Variants in NDST4 observed in about 807,000 individuals in gnomAD.
NDST4 encodes the protein N-deacetylase and N-sulfotransferase 4.
NDST4 carries 63 observed loss-of-function variants against 100.8 expected under a neutral mutation model. The ratio of observed to expected loss-of-function variants is 0.62; its 90% CI spans 0.51 to 0.77. The LOEUF (loss-of-function observed/expected upper bound fraction) is 0.77. Among genes scored for constraint, NDST4 ranks in the 30% least tolerant of loss-of-function variants. The pLI is 0.00. For synonymous variants in NDST4, 377 were observed against 361.8 expected, an observed-to-expected ratio of 1.04 and a Z score of -0.48; for missense variants, 943 against 1,018.4, an observed-to-expected ratio of 0.93 and a Z score of 1.01.
chr4:115,083,582 G>T (rs1352646899), intron 1 of NDST4, among the ~76,000 whole-genome samples: 1 of 152,146 alleles, frequency 6.6e-6, no homozygotes. Context: ...CATCTAAAAT[G>T]GTTTGGCTGT....
At chr4:115,048,813 A>C (rs144240010) in intron 2 of NDST4, among the ~76,000 whole-genome samples, 2,190 of 151,980 alleles carry the variant, frequency 0.014, 62 homozygotes, top group African/African-American at 0.05. Context: ...AATTTTTTGT[A>C]TTTTTAGTAG....
chr4:115,058,908 TA>T (rs542087457), intron 2 of NDST4, among the ~76,000 whole-genome samples: 1 of 151,898 alleles, frequency 6.6e-6, no homozygotes, highest in Admixed American at 6.6e-5. Context: ...CTTTTTTATT[TA>T]AAAAAATTAA....
chr4:114,829,628 A>G (rs930599249), intron 13 of NDST4, among the ~76,000 whole-genome samples, 162 bp downstream of exon 13: 1 of 152,116 alleles, frequency 6.6e-6, no homozygotes, highest in Non-Finnish European at 1.5e-5. Flanking sequence ...CTATCTATCT[A>G]TCATTTCTAT....
intron 2 of NDST4, among the ~76,000 whole-genome samples, chr4:114,984,827 T>C (rs1248956499): frequency 1.3e-5 from 2 of 152,182 alleles, no homozygotes; most frequent in Non-Finnish European, 2.9e-5. Context: ...TTCGATACTA[T>C]TTGTAAATTT....
Position 115,076,991 on chromosome 4 carries a change from C to A in NDST4, c.46G>T (p.Val16Phe). The A allele has an allele frequency of 6.2e-7, 1 of 1,610,382 alleles. No individual in the cohort carries two copies. Among genetic ancestry groups the A allele is most frequent in the Non-Finnish European group, 8.5e-7 (1 of 1,178,680 alleles). Reference protein sequence around the residue: ...KLRRSFRTLIVLLATFCLVSI... With the variant: ...KLRRSFRTLIFLLATFCLVSI... ...ACCAAGCAAAAGGTAGCTAAGAGAA[C>A]AATCAATGTTCGAAAACTTCTCCGA... Residue 16 changes from valine (V) to phenylalanine (F), a missense_variant, in exon 2 of 14, where the codon GTT becomes TTT. Val to Phe is a conservative substitution (Grantham distance 50, BLOSUM62 -1). Transcript: ENST00000264363.
In NDST4 at chr4:114,986,815, TATATATATATATATATA is replaced by T. The variant is rs1560845369; in HGVS notation, c.979-9558_979-9542del. ...ATACATATATATATATATATATATA[TATATATATATATATATA>T]TTTTAATATACTATTCCTATAAGCT... is the stretch of plus-strand genomic sequence containing the variant. On this transcript the variant is annotated intron_variant, in intron 2 of 13. Coordinates refer to ENST00000264363, the MANE Select transcript of NDST4 (RefSeq NM_022569.3). Among the ~76,000 whole-genome samples, 64 of 123,874 alleles carry T rather than the reference TATATATATATATATATA, an allele frequency of 5.2e-4. 3 individuals are homozygous for T. In the South Asian group the frequency reaches 0.015, roughly 28 times the overall value. The allele number at this position is 123,874 out of a possible 152,430, so 81.3% of individuals were successfully genotyped here.
chr4:114,889,817 A>T (rs187483477), intron 6 of NDST4, among the ~76,000 whole-genome samples: 2,179 of 152,206 alleles, frequency 0.014, 24 homozygotes, highest in Middle Eastern at 0.037. Flanking sequence ...GCTATGGGGA[A>T]TTTTTTTATT....
chr4:114,968,721 A>G (rs1726438990), intron 4 of NDST4, among the ~76,000 whole-genome samples: 2 of 152,200 alleles, frequency 1.3e-5, no homozygotes, highest in South Asian at 4.1e-4. Flanking sequence ...TTGATTGCTT[A>G]CTTTTGATTT....
chr4:115,087,856 G>A (rs1348194719), intron 1 of NDST4, among the ~76,000 whole-genome samples: 1 of 151,328 alleles, frequency 6.6e-6, no homozygotes, highest in Non-Finnish European at 1.5e-5. Context: ...CAAAATTTAT[G>A]TATATTTTAT....
intron 2 of NDST4, among the ~76,000 whole-genome samples, chr4:115,050,073 T>C (rs185784342): frequency 6.6e-6 from 1 of 152,272 alleles, no homozygotes; most frequent in Admixed American, 6.5e-5. Flanking sequence ...ACCTTTACTT[T>C]AATATCTTGC....
At chr4:115,004,510 T>C (rs916356444) in intron 2 of NDST4, among the ~76,000 whole-genome samples, 20 of 152,116 alleles carry the variant, frequency 1.3e-4, no homozygotes, top group African/African-American at 4.8e-4. Context: ...ACGAAGGCAA[T>C]AGGAAGCTTT....
At chr4:115,068,192 A>G (rs116185827) in intron 2 of NDST4, among the ~76,000 whole-genome samples, 1,837 of 152,074 alleles carry the variant, frequency 0.012, 35 homozygotes, top group African/African-American at 0.041. Flanking sequence ...AATTTGTACA[A>G]TATATTACTT....
intron 1 of NDST4, among the ~76,000 whole-genome samples, chr4:115,089,094 T>A (rs866083734): frequency 6.6e-6 from 1 of 152,056 alleles, no homozygotes; most frequent in Non-Finnish European, 1.5e-5. Flanking sequence ...CATATTTATG[T>A]CTTGAATATA....
chr4:114,878,884 T>C (rs1402636025), intron 6 of NDST4, among the ~76,000 whole-genome samples: 6 of 152,070 alleles, frequency 3.9e-5, no homozygotes, highest in Non-Finnish European at 7.4e-5. Flanking sequence ...TTTGTTCCTC[T>C]GCTATCGTCT....
intron 6 of NDST4, among the ~76,000 whole-genome samples, chr4:114,883,077 C>T (rs1724405057): frequency 6.6e-6 from 1 of 151,522 alleles, no homozygotes; most frequent in South Asian, 2.1e-4. Context: ...GTGGACTTGC[C>T]TTGAAAAAAG....
Position 114,829,983 on chromosome 4 carries a change from T to C in NDST4, c.2397-91A>G, listed in dbSNP as rs1174085070. ...ATTGAATAAAGGAAATGTATTTTTG[T>C]ATGCCCACTGATTTAATTTAATTCA... is the stretch of plus-strand genomic sequence containing the variant. On this transcript the variant is annotated intron_variant, in intron 12 of 13. Transcript: ENST00000264363. 4 of 838,936 alleles carry C rather than the reference T, an allele frequency of 4.8e-6. No individual in the cohort carries two copies. The Admixed American group carries it at 1.1e-4, about 22-fold the overall frequency. 52.0% of individuals were successfully genotyped at this position (838,936 alleles called of 1,614,324 possible). A position where few individuals can be genotyped will look rare whatever the true frequency, so the allele number is the denominator to read the frequency against.
intron 4 of NDST4, among the ~76,000 whole-genome samples, chr4:114,967,184 G>A (rs1253521982): frequency 1.3e-5 from 2 of 152,072 alleles, no homozygotes; most frequent in Admixed American, 6.5e-5. Context: ...CAATAAAGGT[G>A]GGGTTCTGAA....
At chr4:115,083,121 C>T (rs1025346584) in intron 1 of NDST4, among the ~76,000 whole-genome samples, 1 of 151,994 alleles carries the variant, frequency 6.6e-6, no homozygotes, top group Admixed American at 6.6e-5. Flanking sequence ...AGAATTAGCT[C>T]ATATTTTATA....
At chr4:115,030,618 A>C (rs747471631) in intron 2 of NDST4, among the ~76,000 whole-genome samples, 5 of 152,128 alleles carry the variant, frequency 3.3e-5, no homozygotes, top group Non-Finnish European at 5.9e-5. Context: ...GGTGAAACTG[A>C]AATGTCAACT....
Sources: allele counts gnomAD v4.1 joint callset (sites outside exome capture counted in the v4.1 genomes callset), GRCh38; gene constraint gnomAD v4.1.1; transcripts MANE v1.5; gene names NCBI Gene and HGNC (gene_info 2026-07-23, HGNC 2026-07-21).